RAD51AP2: variants seen among roughly 807,000 people sequenced by gnomAD.
The protein encoded by RAD51AP2 is RAD51-associated protein 2.
RAD51AP2 carries 67 observed loss-of-function variants against 85.5 expected under a neutral mutation model. The ratio of observed to expected loss-of-function variants is 0.78; its 90% CI spans 0.64 to 0.96. The LOEUF (loss-of-function observed/expected upper bound fraction) is 0.96, where lower values mean the gene tolerates loss of function less well. RAD51AP2 is among the 40% of genes least tolerant of loss of function. The pLI, the probability that RAD51AP2 is intolerant of heterozygous loss-of-function variation, is 0.00. For synonymous variants in RAD51AP2, 474 were observed against 446.5 expected (o/e 1.06, Z -0.78); for missense variants, 1,307 against 1,332.4 (o/e 0.98, Z 0.30).
At position 17,516,802 on chromosome 2, in the gene RAD51AP2, A is replaced by G. The variant is rs374826217; in HGVS notation, c.1614T>C (p.Cys538=). ...SILTCCNILK[C]KKQIGIIGIQ... is the part of the protein sequence containing the mutation. ...TACCAATTATACCAATTTGCTTTTT[A>G]CACTTCAAAATGTTACAGCAGGTTA... is the stretch of plus-strand genomic sequence containing the variant. The change falls in exon 1 of 3, where the codon TGT becomes TGC. Residue 538 remains cysteine (C), a synonymous_variant. Coordinates refer to ENST00000399080, the MANE Select transcript of RAD51AP2 (RefSeq NM_001099218.3). 4.4e-5 allele frequency: 68 copies of G among 1,551,842 alleles called. No homozygotes were observed. The highest frequency in any genetic ancestry group is 5.7e-5 in the Non-Finnish European group (65 of 1,146,234).
rs374295663 is a variant in RAD51AP2, at chr2:17,515,629, A to T, written c.2787T>A (p.His929Gln). The T allele has an allele frequency of 2.6e-5, 42 of 1,612,108 alleles. No individual in the cohort carries two copies. The African/African-American group carries it at 5.2e-4, about 20-fold the overall frequency. The change falls in exon 1 of 3, where the codon CAT becomes CAA. Residue 929 changes from histidine to glutamine, a missense_variant. Physicochemically the swap from His to Gln is conservative, Grantham distance 24. Coordinates refer to ENST00000399080, the MANE Select transcript of RAD51AP2 (RefSeq NM_001099218.3). ...RKNDSALYIN[H>Q]QFETGLSEGN... ...CTTCACTCAGACCAGTTTCAAATTG[A>T]TGATTAATATATAATGCAGAGTCAT...
the RAD51AP2 span, among the ~76,000 whole-genome samples, chr2:17,524,140 C>A: frequency 2.6e-5 from 4 of 151,956 alleles, no homozygotes; most frequent in Non-Finnish European, 4.4e-5. Context: ...TATTTTTCAG[C>A]CTTATCTTCA....
the RAD51AP2 span, among the ~76,000 whole-genome samples, chr2:17,524,801 A>G: frequency 1.4e-4 from 21 of 151,974 alleles, no homozygotes; most frequent in African/African-American, 5.1e-4. Context: ...TGAATGATAT[A>G]GAAAATAAGT....
rs768572771 is a variant in RAD51AP2 at position 17,516,321 on chromosome 2, C to A, written c.2095G>T (p.Glu699Ter). ...GTAATTTCTCTTATTAAAGAAATTT[C>A]ATCCATGTCATCAAAGTCCATTAAA... Reference protein sequence around the residue: ...PLLMDFDDMDEISLIREITCQ... With the variant: ...PLLMDFDDMD The change falls in exon 1 of 3, where the codon GAA (glutamate) becomes TAA (stop). Residue 699 changes from glutamate (E) to a stop codon, truncating the protein, a stop_gained. Transcript: ENST00000399080. LOFTEE classifies it high-confidence loss of function. The A allele has an allele frequency of 1.9e-6, 3 of 1,606,984 alleles. No homozygotes were observed. Among genetic ancestry groups the A allele is most frequent in the Non-Finnish European group, 2.5e-6 (3 of 1,178,138 alleles).
At position 17,516,293 on chromosome 2, in the gene RAD51AP2, C is replaced by T. The variant is rs779769139; in HGVS notation, c.2123G>A (p.Cys708Tyr). 6.2e-7 allele frequency: 1 copy of T among 1,607,618 alleles called. No individual in the cohort carries two copies. Among genetic ancestry groups the T allele is most frequent in the Admixed American group, 1.7e-5 (1 of 58,678 alleles). The part of the protein sequence containing the change: ...DEISLIREIT[C>Y]QNMSCPQQVV... The stretch of plus-strand genomic sequence containing the variant: ...TTGTTGAGGACAACTCATATTCTGA[C>T]AAGTAATTTCTCTTATTAAAGAAAT... Residue 708 changes from cysteine (C) to tyrosine (Y), a missense_variant, in exon 1 of 3, where the codon TGT (cysteine) becomes TAT (tyrosine). Physicochemically the swap from Cys to Tyr is radical, Grantham distance 194. This residue lies in a region of RAD51AP2 where 668 missense variants were observed against 671.0 expected (regional missense o/e 1.00). Coordinates refer to ENST00000399080, the MANE Select transcript of RAD51AP2 (RefSeq NM_001099218.3).
chr2:17,522,312 G>A (rs976898529), upstream of RAD51AP2, among the ~76,000 whole-genome samples: 5 of 151,778 alleles, frequency 3.3e-5, no homozygotes, highest in African/African-American at 1.2e-4. Flanking sequence ...AAAGCCCTTC[G>A]CAGTTTCAGT....
chr2:17,521,299 T>A (rs896862960), upstream of RAD51AP2, among the ~76,000 whole-genome samples: 1 of 152,108 alleles, frequency 6.6e-6, no homozygotes, highest in Non-Finnish European at 1.5e-5. Context: ...AAAACTATGC[T>A]GAGCTATAAC....
the RAD51AP2 span, among the ~76,000 whole-genome samples, chr2:17,532,307 T>G: frequency 1.3e-5 from 2 of 152,102 alleles, no homozygotes; most frequent in Non-Finnish European, 2.9e-5. Context: ...TGAGAGAGAA[T>G]CTGTTCCATG....
rs1662652883 is a variant in RAD51AP2, at chr2:17,516,052, A to G, written c.2364T>C (p.Asn788=). ...TTGCTGGTATGGCCTGTTGCCTAAC[A>G]TTGCAGAGATCTTCAAATATGTGCT... ...DCEHIFEDLC[N]VRQQAIPASH... The change falls in exon 1 of 3, where the codon AAT becomes AAC. Residue 788 remains asparagine, a synonymous_variant. Coordinates refer to ENST00000399080, the MANE Select transcript of RAD51AP2 (RefSeq NM_001099218.3). The G allele has an allele frequency of 6.2e-7, 1 of 1,613,806 alleles. No individual in the cohort carries two copies. The highest frequency in any genetic ancestry group is 8.5e-7 in the Non-Finnish European group (1 of 1,179,814).
At chr2:17,524,069 C>T in the RAD51AP2 span, among the ~76,000 whole-genome samples, 3 of 151,842 alleles carry the variant, frequency 2.0e-5, no homozygotes, top group African/African-American at 7.2e-5. Context: ...AAGAAATATG[C>T]ATATAAAAGG....
the RAD51AP2 span, among the ~76,000 whole-genome samples, chr2:17,525,312 G>T: frequency 6.6e-6 from 1 of 151,942 alleles, no homozygotes. Context: ...TTTAAGAGGA[G>T]AATTAATGAA....
chr2:17,517,554 CCT>C lies in RAD51AP2; in HGVS notation c.860_861del (p.Glu287GlyfsTer4). Reference sequence around the variant, plus strand: ...ATGTTTGTGAAATCCCTAACATATGCCTCTTTTTTGTCATTCTTTTTCTTCGC... The same window carrying C: ...ATGTTTGTGAAATCCCTAACATATGCCTTTTTTGTCATTCTTTTTCTTCGC... Reference protein sequence around the residue: ...EIAKKKNDKKEAYVRDFTNIY... With the variant: ...EIAKKKNDKKXAYVRDFTNIY... On this transcript the variant is annotated frameshift_variant, in exon 1 of 3. Coordinates refer to ENST00000399080, the MANE Select transcript of RAD51AP2 (RefSeq NM_001099218.3). LOFTEE classifies it high-confidence loss of function. 6.2e-7 allele frequency: 1 copy of C among 1,613,622 alleles called. No homozygotes were observed. The highest frequency in any genetic ancestry group is 1.7e-4 in the Middle Eastern group (1 of 6,056).
At chr2:17,524,435 C>A in the RAD51AP2 span, among the ~76,000 whole-genome samples, 5 of 151,876 alleles carry the variant, frequency 3.3e-5, no homozygotes, top group African/African-American at 1.2e-4. Context: ...GAAAGGGGAT[C>A]AAATGTAGTC....
the RAD51AP2 span, among the ~76,000 whole-genome samples, chr2:17,537,131 G>A: frequency 1.3e-5 from 2 of 152,106 alleles, no homozygotes; most frequent in African/African-American, 4.8e-5. Context: ...ACCAGCCTGG[G>A]CAACATGGCA....
In RAD51AP2 at chr2:17,517,010, C is replaced by G. The variant is rs1160242760; in HGVS notation, c.1406G>C (p.Ser469Thr). Residue 469 changes from serine to threonine, a missense_variant, in exon 1 of 3, where the codon AGT becomes ACT. By Grantham distance (58) the Ser-to-Thr change is moderately conservative (BLOSUM62 1). Around this residue, in one of 3 missense-constraint regions of RAD51AP2, gnomAD observed 635 missense variants for 643.6 expected, o/e 0.99. Coordinates refer to ENST00000399080, the MANE Select transcript of RAD51AP2 (RefSeq NM_001099218.3). ...SKLLVREILG[S>T]QTALITTVWL... ...AACAGTCGTTATTAAAGCTGTCTGA[C>G]TACCTAATATTTCTCTTACGAGAAG... 1 of 1,602,120 alleles carries G rather than the reference C, an allele frequency of 6.2e-7. No homozygotes were observed. The highest frequency in any genetic ancestry group is 1.3e-5 in the African/African-American group (1 of 74,148).
Position 17,516,145 on chromosome 2 carries a change from A to T in RAD51AP2, c.2271T>A (p.Asn757Lys). 1 of 1,612,958 alleles carries T rather than the reference A, an allele frequency of 6.2e-7. No homozygotes were observed. The highest frequency in any genetic ancestry group is 8.5e-7 in the Non-Finnish European group (1 of 1,179,580). ...GYINENFYEV[N>K]MHSQDLNMER... ...CCATATTTAAATCTTGGCTGTGCAT[A>T]TTTACTTCATAAAAATTTTCATTAA... Residue 757 changes from asparagine to lysine, a missense_variant, in exon 1 of 3, where the codon AAT becomes AAA. Asn to Lys is a moderately conservative substitution (Grantham distance 94). This residue lies in a region of RAD51AP2 where 668 missense variants were observed against 671.0 expected (regional missense o/e 1.00). Transcript: ENST00000399080.
chr2:17,525,793 C>T, the RAD51AP2 span, among the ~76,000 whole-genome samples: 1 of 152,008 alleles, frequency 6.6e-6, no homozygotes, highest in Admixed American at 6.6e-5. Flanking sequence ...ATCTGGCCTG[C>T]ACCTTGGACA....
upstream of RAD51AP2, among the ~76,000 whole-genome samples, chr2:17,523,119 T>C (rs967044523): frequency 6.6e-6 from 1 of 151,880 alleles, no homozygotes; most frequent in African/African-American, 2.4e-5. Flanking sequence ...AATTAAAAAA[T>C]AGAACCTACC....
chr2:17,510,647 T>C lies in RAD51AP2; in HGVS notation c.*157A>G. On this transcript the variant is annotated 3_prime_UTR_variant, in exon 3 of 3. Transcript: ENST00000399080. ...TCATATAAAAATCCATAAAATATTT[T>C]ATAACTTTGAAAGGTAATACCATAA... 2.3e-6 allele frequency: 1 copy of C among 433,444 alleles called. No individual in the cohort carries two copies. The highest frequency in any genetic ancestry group is 4.0e-6 in the Non-Finnish European group (1 of 246,984). The allele number at this position is 433,444 out of a possible 1,614,324, so 26.8% of individuals were successfully genotyped here.
Sources: gnomAD v4.1 joint callset for allele counts (sites outside exome capture counted in the v4.1 genomes callset) on GRCh38, gnomAD v4.1.1 for gene constraint, gnomAD v4.1.1 regional missense constraint, MANE v1.5 for transcripts, NCBI Gene and HGNC (gene_info 2026-07-23, HGNC 2026-07-21) for gene names.